Variants in POLR3B observed in about 807,000 individuals in gnomAD.
POLR3B encodes RNA polymerase III subunit B, also known as DNA-directed RNA polymerase III subunit RPC2.
Under a neutral mutation model 147.4 loss-of-function variants are expected in POLR3B, and 96 were observed. The observed-to-expected ratio is 0.65, with a 90% CI of 0.55 to 0.77. POLR3B has a LOEUF of 0.77. POLR3B is among the 30% of genes least tolerant of loss of function. The probability of loss-of-function intolerance (pLI) is 0.00; values close to 1 mark genes in which losing one functional copy is unlikely to be tolerated. For synonymous variants in POLR3B, 461 were observed against 485.9 expected, an observed-to-expected ratio of 0.95 and a Z score of 0.67; for missense variants, 1,036 against 1,413.5, an observed-to-expected ratio of 0.73 and a Z score of 4.28.
At chr12:106,426,220 ATTTGTGTGTG>A (rs1565892610) in intron 12 of POLR3B, among the ~76,000 whole-genome samples, 1 of 84,718 alleles carries the variant, frequency 1.2e-5, no homozygotes, top group Non-Finnish European at 2.4e-5. Context: ...AGGGCCTGCA[ATTTGTGTGTG>A]TGTGTGTGTG....
At chr12:106,390,219 G>GAAA (rs375447086) in intron 9 of POLR3B, among the ~76,000 whole-genome samples, 1 of 119,522 alleles carries the variant, frequency 8.4e-6, no homozygotes, top group Non-Finnish European at 1.7e-5. Context: ...CTCTGTCTCT[G>GAAA]AAAAAAAAAA....
At chr12:106,467,763 T>G (rs1309582295) in intron 23 of POLR3B, among the ~76,000 whole-genome samples, 1 of 152,228 alleles carries the variant, frequency 6.6e-6, no homozygotes, top group Admixed American at 6.5e-5. Context: ...GTTTATTGAT[T>G]TGCATATGTT....
intron 10 of POLR3B, among the ~76,000 whole-genome samples, chr12:106,402,615 C>T (rs551113616): frequency 1.3e-5 from 2 of 152,134 alleles, no homozygotes; most frequent in South Asian, 2.1e-4. Flanking sequence ...ACAGAAATAT[C>T]GACCAATGGA....
intron 10 of POLR3B, among the ~76,000 whole-genome samples, chr12:106,398,024 C>T (rs2037004585): frequency 6.6e-6 from 1 of 152,244 alleles, no homozygotes; most frequent in South Asian, 2.1e-4. Context: ...TGAGCCAAAG[C>T]AGGGCGACGC....
intron 9 of POLR3B, among the ~76,000 whole-genome samples, chr12:106,386,779 T>C (rs1593011457): frequency 6.6e-6 from 1 of 151,904 alleles, no homozygotes; most frequent in Non-Finnish European, 1.5e-5. Flanking sequence ...TGGTGGCAGG[T>C]GCCTGTAGTC....
intron 24 of POLR3B, 127 bp downstream of exon 24, chr12:106,496,285 T>G: frequency 1.4e-6 from 1 of 730,202 alleles, no homozygotes; most frequent in Non-Finnish European, 2.5e-6. Context: ...CTTCTGCCCC[T>G]TGCCAGATAA....
At chr12:106,384,594 T>C (rs1022071125) in intron 9 of POLR3B, among the ~76,000 whole-genome samples, 11 of 152,160 alleles carry the variant, frequency 7.2e-5, no homozygotes, top group Non-Finnish European at 4.4e-5. Context: ...CGAGTGTCTG[T>C]TTTGCAGTCT....
intron 10 of POLR3B, among the ~76,000 whole-genome samples, chr12:106,398,154 G>A (rs544882925): frequency 3.3e-5 from 5 of 152,352 alleles, no homozygotes; most frequent in Non-Finnish European, 5.9e-5. Flanking sequence ...CTTTCCCAAC[G>A]GGCTTAAGAA....
chr12:106,424,073 C>G (rs1304522796), intron 12 of POLR3B, among the ~76,000 whole-genome samples: 2 of 152,050 alleles, frequency 1.3e-5, no homozygotes, highest in Non-Finnish European at 2.9e-5. Flanking sequence ...CGAGGCTGGT[C>G]TCAAACTCCT....
chr12:106,453,741 A>G (rs2037829399), intron 19 of POLR3B, among the ~76,000 whole-genome samples: 1 of 152,152 alleles, frequency 6.6e-6, no homozygotes, highest in South Asian at 2.1e-4. Flanking sequence ...AATGAGAGAA[A>G]GGGTTAACAT....
At position 106,386,329 on chromosome 12, in the gene POLR3B, G is replaced by A. The variant is rs548705475; in HGVS notation, c.723+6190G>A. Among the ~76,000 whole-genome samples, 7 of 143,494 alleles carry A rather than the reference G, an allele frequency of 4.9e-5. No individual in the cohort carries two copies. The South Asian group carries it at 1.5e-3, about 31-fold the overall frequency. 94.1% of individuals were successfully genotyped at this position (143,494 alleles called of 152,430 possible). On this transcript the variant is annotated intron_variant, in intron 9 of 27. Coordinates refer to ENST00000228347, the MANE Select transcript of POLR3B (RefSeq NM_018082.6). ...CTGCACTCCAGCCTGGGTGACAGAG[G>A]GAGACTCCGTCTCAAAAAAAAAAAA...
At chr12:106,497,465 C>T (rs2137077544) in intron 25 of POLR3B, among the ~76,000 whole-genome samples, 1 of 152,120 alleles carries the variant, frequency 6.6e-6, no homozygotes, top group South Asian at 2.1e-4. Context: ...GACCTCGTCT[C>T]AAAAAATATA....
chr12:106,426,839 T>TCCCCCCCCCCC (rs67180409), intron 12 of POLR3B, among the ~76,000 whole-genome samples: 1 of 25,290 alleles, frequency 4.0e-5, no homozygotes, highest in Non-Finnish European at 7.2e-5. Context: ...TTCTCCACCG[T>TCCCCCCCCCCC]CCCCCCCCCC....
At chr12:106,485,459 C>G (rs572792941) in intron 23 of POLR3B, among the ~76,000 whole-genome samples, 1 of 151,990 alleles carries the variant, frequency 6.6e-6, no homozygotes, top group African/African-American at 2.4e-5. Flanking sequence ...TGGATTGGAA[C>G]GGGCAAGGAA....
chr12:106,499,898 G>A (rs1048090725), intron 25 of POLR3B, among the ~76,000 whole-genome samples: 3 of 152,162 alleles, frequency 2.0e-5, no homozygotes, highest in African/African-American at 4.8e-5. Flanking sequence ...CAGGGACACC[G>A]AGCAAACAGT....
intron 12 of POLR3B, among the ~76,000 whole-genome samples, chr12:106,424,601 G>A (rs1208970075): frequency 6.6e-6 from 1 of 152,056 alleles, no homozygotes; most frequent in Non-Finnish European, 1.5e-5. Context: ...TGGGAAAGGT[G>A]GGGTAAATGC....
intron 13 of POLR3B, among the ~76,000 whole-genome samples, chr12:106,428,789 A>G (rs1565893526): frequency 6.6e-6 from 1 of 152,152 alleles, no homozygotes; most frequent in Admixed American, 6.5e-5. Flanking sequence ...TCTTTGCCTT[A>G]TAATAGGGTT....
intron 11 of POLR3B, among the ~76,000 whole-genome samples, chr12:106,409,549 G>C (rs183794919): frequency 4.6e-5 from 7 of 151,408 alleles, no homozygotes; most frequent in Non-Finnish European, 8.8e-5. Flanking sequence ...ACCTAGAGAA[G>C]AAATAAAACT....
intron 21 of POLR3B, among the ~76,000 whole-genome samples, chr12:106,457,811 G>T (rs1257411726): frequency 2.6e-5 from 4 of 152,202 alleles, no homozygotes; most frequent in African/African-American, 9.6e-5. Flanking sequence ...TAACTATGAG[G>T]CCATTTTATA....
Sources: allele counts gnomAD v4.1 joint callset (sites outside exome capture counted in the v4.1 genomes callset), GRCh38; gene constraint gnomAD v4.1.1; transcripts MANE v1.5; gene names NCBI Gene and HGNC (gene_info 2026-07-23, HGNC 2026-07-21).